Variants in CSMD1 observed in about 807,000 individuals in gnomAD.
CSMD1 encodes the protein CUB and sushi domain-containing protein 1.
A neutral mutation model predicts 417.5 loss-of-function variants in CSMD1; 213 were observed. The observed-to-expected ratio is 0.51, with a 90% CI of 0.46 to 0.57. The LOEUF (loss-of-function observed/expected upper bound fraction) is 0.57, where lower values mean the gene tolerates loss of function less well. Ranked by LOEUF, CSMD1 falls within the 20% of genes least tolerant of loss-of-function variation. CSMD1 has a pLI of 0.00. For synonymous variants in CSMD1, 2,862 were observed against 1,736.8 expected, an observed-to-expected ratio of 1.65 and a Z score of -16.11; for missense variants, 6,923 against 4,529.7, an observed-to-expected ratio of 1.53 and a Z score of -15.17.
chr8:4,745,492 TC>T (rs1430646380), intron 1 of CSMD1, among the ~76,000 whole-genome samples: 2 of 152,206 alleles, frequency 1.3e-5, no homozygotes, highest in Non-Finnish European at 2.9e-5. Context: ...ATATATTCTT[TC>T]TTAGAGTAAC....
chr8:4,886,298 G>A (rs370158477), intron 1 of CSMD1, among the ~76,000 whole-genome samples: 1 of 151,800 alleles, frequency 6.6e-6, no homozygotes, highest in Non-Finnish European at 1.5e-5. Flanking sequence ...TTGTCACTTT[G>A]CATTTGAATA....
chr8:3,102,236 T>A (rs1463395421), intron 46 of CSMD1, among the ~76,000 whole-genome samples: 1 of 152,152 alleles, frequency 6.6e-6, no homozygotes, highest in Non-Finnish European at 1.5e-5. Flanking sequence ...TAAAGAAAGA[T>A]GATAATTAAG....
intron 2 of CSMD1, among the ~76,000 whole-genome samples, chr8:4,604,127 G>C (rs1285941486): frequency 1.3e-5 from 2 of 151,750 alleles, no homozygotes; most frequent in Non-Finnish European, 1.5e-5. Flanking sequence ...TTCCACTTAT[G>C]TCTGTATTCC....
chr8:4,548,062 A>G (rs1797708493), intron 2 of CSMD1, among the ~76,000 whole-genome samples: 2 of 152,170 alleles, frequency 1.3e-5, no homozygotes, highest in Admixed American at 6.5e-5. Context: ...AATATATTAA[A>G]TAAAAGGCAC....
At chr8:3,746,935 G>A (rs760134175) in intron 6 of CSMD1, among the ~76,000 whole-genome samples, 1 of 152,186 alleles carries the variant, frequency 6.6e-6, no homozygotes, top group Non-Finnish European at 1.5e-5. Flanking sequence ...TCAGCTTTCT[G>A]CCTGGAACAG....
chr8:3,412,400 T>C (rs1812867671), intron 12 of CSMD1, among the ~76,000 whole-genome samples: 1 of 152,090 alleles, frequency 6.6e-6, no homozygotes, highest in African/African-American at 2.4e-5. Context: ...TTCCAGATGG[T>C]TTGAAGGTCT....
At chr8:3,652,974 A>G (rs1439269751) in intron 7 of CSMD1, among the ~76,000 whole-genome samples, 1 of 152,186 alleles carries the variant, frequency 6.6e-6, no homozygotes, top group Admixed American at 6.5e-5. Context: ...GCTTTCAAGT[A>G]TAATTAGCAT....
intron 1 of CSMD1, among the ~76,000 whole-genome samples, chr8:4,775,904 G>C (rs1036061118): frequency 5.3e-5 from 8 of 152,098 alleles, no homozygotes; most frequent in Non-Finnish European, 7.4e-5. Context: ...GGACAAGTTA[G>C]GGAGTGGCAC....
intron 2 of CSMD1, among the ~76,000 whole-genome samples, chr8:4,422,114 T>G (rs962818571): frequency 2.6e-5 from 4 of 152,132 alleles, no homozygotes; most frequent in Non-Finnish European, 5.9e-5. Context: ...ATAATATGAA[T>G]TATCCTATAG....
chr8:3,350,955 G>A (rs141778442), intron 21 of CSMD1, among the ~76,000 whole-genome samples: 90 of 152,266 alleles, frequency 5.9e-4, no homozygotes, highest in African/African-American at 2.1e-3. Flanking sequence ...TGTAACTGAT[G>A]ACCCTGTATA....
chr8:3,795,061 G>GATACATATCTATCATGTATAGCT (rs1799969791), intron 5 of CSMD1, among the ~76,000 whole-genome samples: 11 of 116,940 alleles, frequency 9.4e-5, no homozygotes, highest in South Asian at 8.6e-4. Flanking sequence ...TATAGCTATA[G>GATACATATCTATCATGTATAGCT]ATATATATCT....
chr8:3,832,771 T>C (rs764720214), intron 5 of CSMD1, among the ~76,000 whole-genome samples: 16 of 152,158 alleles, frequency 1.1e-4, no homozygotes, highest in Non-Finnish European at 2.2e-4. Flanking sequence ...GATTTTTAAC[T>C]TTCCATCTGA....
At chr8:3,536,759 C>T (rs569945426) in intron 10 of CSMD1, among the ~76,000 whole-genome samples, 3 of 152,240 alleles carry the variant, frequency 2.0e-5, no homozygotes, top group Admixed American at 6.5e-5. Flanking sequence ...CAAAAGTGTC[C>T]ATTGTGTGGA....
chr8:3,433,706 C>G (rs1169639917), intron 12 of CSMD1, among the ~76,000 whole-genome samples: 2 of 152,128 alleles, frequency 1.3e-5, no homozygotes, highest in Non-Finnish European at 2.9e-5. Flanking sequence ...TGCCTGCAAC[C>G]CCATATTCTT....
intron 5 of CSMD1, among the ~76,000 whole-genome samples, chr8:3,974,575 G>A (rs1813299952): frequency 6.6e-6 from 1 of 151,788 alleles, no homozygotes; most frequent in African/African-American, 2.4e-5. Flanking sequence ...CAGAACTAGT[G>A]GCAATCCTTT....
rs189110380 is a variant in CSMD1 at position 4,060,939 on chromosome 8, A to G, written c.416-28840T>C. On this transcript the variant is annotated intron_variant, in intron 3 of 69. Coordinates refer to ENST00000635120, the MANE Select transcript of CSMD1 (RefSeq NM_033225.6). ...TTGCAGTAGAAGAAACCAACATAGA[A>G]GCTTCTCATTGAAAGTGTGGAGGAA... Among the ~76,000 whole-genome samples the G allele has an allele frequency of 1.3e-3, 199 of 152,308 alleles. 2 individuals carry two copies. The highest frequency in any genetic ancestry group is 4.7e-3 in the African/African-American group (196 of 41,580).
At chr8:3,121,806 G>C (rs1817226415) in intron 41 of CSMD1, among the ~76,000 whole-genome samples, 1 of 151,986 alleles carries the variant, frequency 6.6e-6, no homozygotes, top group East Asian at 1.9e-4. Flanking sequence ...CTCATAAAAA[G>C]CAAGCAGACA....
At chr8:3,440,602 G>C (rs999816615) in intron 12 of CSMD1, among the ~76,000 whole-genome samples, 1 of 152,058 alleles carries the variant, frequency 6.6e-6, no homozygotes, top group Non-Finnish European at 1.5e-5. Context: ...GTAGAGTCAG[G>C]TTTACTGTTT....
chr8:4,424,165 A>G (rs1356371839), intron 2 of CSMD1, among the ~76,000 whole-genome samples: 1 of 152,036 alleles, frequency 6.6e-6, no homozygotes, highest in African/African-American at 2.4e-5. Context: ...CCAAAATTAC[A>G]AACCAGAAAA....
Sources: gnomAD v4.1 joint callset for allele counts (sites outside exome capture counted in the v4.1 genomes callset) on GRCh38, gnomAD v4.1.1 for gene constraint, MANE v1.5 for transcripts, NCBI Gene and HGNC (gene_info 2026-07-23, HGNC 2026-07-21) for gene names.